The following MACROD2 variants were observed in gnomAD, a reference collection of about 807,000 sequenced individuals.
MACROD2 encodes the protein mono-ADP ribosylhydrolase 2, also known as ADP-ribose glycohydrolase MACROD2.
In MACROD2, 36 loss-of-function variants were observed where a neutral mutation model predicts 70.4. That is an observed-to-expected ratio of 0.51 (90% CI 0.39 to 0.68). MACROD2 has a LOEUF of 0.68. MACROD2 is among the 30% of genes least tolerant of loss of function. The pLI is 0.00. For synonymous variants in MACROD2, 172 were observed against 178.8 expected, an observed-to-expected ratio of 0.96 and a Z score of 0.30; for missense variants, 496 against 538.4, an observed-to-expected ratio of 0.92 and a Z score of 0.78.
At chr20:15,965,060 T>G (rs1321589246) in intron 12 of MACROD2, among the ~76,000 whole-genome samples, 1 of 152,204 alleles carries the variant, frequency 6.6e-6, no homozygotes, top group Non-Finnish European at 1.5e-5. Flanking sequence ...AAGATGCACA[T>G]TCTTTCATAT....
At chr20:14,410,827 G>A (rs1227411205) in intron 3 of MACROD2, among the ~76,000 whole-genome samples, 6 of 152,036 alleles carry the variant, frequency 3.9e-5, no homozygotes, top group African/African-American at 1.4e-4. Flanking sequence ...AATGCTCTCT[G>A]GCATCAGCAT....
At chr20:15,918,393 C>CCTA (rs2065351718) in intron 10 of MACROD2, among the ~76,000 whole-genome samples, 1 of 152,130 alleles carries the variant, frequency 6.6e-6, no homozygotes, top group South Asian at 2.1e-4. Flanking sequence ...AAGTATTTAT[C>CCTA]CTAACATTTT....
intron 4 of MACROD2, among the ~76,000 whole-genome samples, chr20:14,599,734 C>T (rs1455710306): frequency 1.3e-5 from 2 of 152,080 alleles, no homozygotes; most frequent in Admixed American, 1.3e-4. Context: ...TTTAATAAAG[C>T]CCTGAATAGG....
intron 3 of MACROD2, among the ~76,000 whole-genome samples, chr20:14,163,266 A>G (rs974711752): frequency 6.6e-6 from 1 of 152,160 alleles, no homozygotes; most frequent in Non-Finnish European, 1.5e-5. Flanking sequence ...TCTTGTGAAT[A>G]TATCATCCTA....
intron 4 of MACROD2, among the ~76,000 whole-genome samples, chr20:14,674,266 A>G (rs1242909513): frequency 6.6e-6 from 1 of 152,182 alleles, no homozygotes; most frequent in African/African-American, 2.4e-5. Flanking sequence ...CTTTAAGTTC[A>G]GGCAAACATG....
Position 14,263,586 on chromosome 20 carries a change from AAG to A in MACROD2, c.271+177860_271+177861del, listed in dbSNP as rs368158939. ...TGCCATCTTAAGCAGAGCCAGGAAA[AAG>A]AACAAAAGGCTCTGAGCTCAAACAG... On this transcript the variant is annotated intron_variant, in intron 3 of 17. Coordinates refer to ENST00000684519, the MANE Select transcript of MACROD2 (RefSeq NM_001351661.2). Among the ~76,000 whole-genome samples, 326 of 152,264 alleles carry A rather than the reference AAG, an allele frequency of 2.1e-3. 3 individuals are homozygous for A. Among genetic ancestry groups the A allele is most frequent in the African/African-American group, 7.5e-3 (312 of 41,566 alleles).
At chr20:14,492,891 C>CA (rs2084810329) in intron 3 of MACROD2, among the ~76,000 whole-genome samples, 1 of 151,820 alleles carries the variant, frequency 6.6e-6, no homozygotes, top group Non-Finnish European at 1.5e-5. Context: ...TTTTTTAGCT[C>CA]CTATAAATGT....
intron 3 of MACROD2, among the ~76,000 whole-genome samples, chr20:14,427,658 A>T (rs1316469133): frequency 6.6e-6 from 1 of 151,994 alleles, no homozygotes; most frequent in Admixed American, 6.6e-5. Context: ...TTGGTCACAG[A>T]CTTTTGGAAA....
chr20:15,237,541 A>G (rs2077024584), intron 6 of MACROD2, among the ~76,000 whole-genome samples: 1 of 151,994 alleles, frequency 6.6e-6, no homozygotes, highest in African/African-American at 2.4e-5. Flanking sequence ...TGTTGTTTTC[A>G]TTTGGCTTCC....
At chr20:15,692,606 G>A (rs1333437276) in intron 8 of MACROD2, among the ~76,000 whole-genome samples, 3 of 152,156 alleles carry the variant, frequency 2.0e-5, no homozygotes, top group Admixed American at 6.5e-5. Context: ...GAAGCGCAGA[G>A]AAAAGAAGGT....
chr20:14,373,547 A>G (rs1343070912), intron 3 of MACROD2, among the ~76,000 whole-genome samples: 6 of 152,176 alleles, frequency 3.9e-5, no homozygotes, highest in South Asian at 2.1e-4. Flanking sequence ...TCTAGCCCCT[A>G]TACACATAAA....
At chr20:15,599,458 T>G (rs1029294738) in intron 8 of MACROD2, among the ~76,000 whole-genome samples, 1 of 152,044 alleles carries the variant, frequency 6.6e-6, no homozygotes, top group Non-Finnish European at 1.5e-5. Context: ...ACCACTGCCC[T>G]TTACACGAAA....
chr20:15,308,520 G>C (rs983570189), intron 6 of MACROD2, among the ~76,000 whole-genome samples: 18 of 152,076 alleles, frequency 1.2e-4, no homozygotes, highest in Admixed American at 9.8e-4. Context: ...AAATAGATTT[G>C]ATTAGAAATT....
At chr20:15,981,347 C>T (rs1181322721) in intron 13 of MACROD2, among the ~76,000 whole-genome samples, 1 of 152,148 alleles carries the variant, frequency 6.6e-6, no homozygotes, top group Non-Finnish European at 1.5e-5. Context: ...TTGCTTTAGA[C>T]AACTAAGTCA....
At chr20:14,754,462 A>G (rs2071914225) in intron 5 of MACROD2, among the ~76,000 whole-genome samples, 1 of 152,098 alleles carries the variant, frequency 6.6e-6, no homozygotes, top group African/African-American at 2.4e-5. Flanking sequence ...ATCTGTGTCA[A>G]TTAGTGGTTG....
intron 8 of MACROD2, among the ~76,000 whole-genome samples, chr20:15,715,973 A>G (rs2050702263): frequency 6.6e-6 from 1 of 152,074 alleles, no homozygotes; most frequent in African/African-American, 2.4e-5. Flanking sequence ...TAAAAGTACT[A>G]CCCCTTCACA....
At chr20:14,357,474 A>G (rs1181211515) in intron 3 of MACROD2, among the ~76,000 whole-genome samples, 5 of 152,242 alleles carry the variant, frequency 3.3e-5, no homozygotes, top group Non-Finnish European at 5.9e-5. Context: ...TAAGATTTCT[A>G]TGTAGAATTT....
At chr20:15,614,834 A>G (rs932075140) in intron 8 of MACROD2, among the ~76,000 whole-genome samples, 1 of 152,178 alleles carries the variant, frequency 6.6e-6, no homozygotes, top group Admixed American at 6.5e-5. Context: ...TCTCTGCCAA[A>G]CTAATATATT....
At chr20:14,331,610 C>G (rs1430566697) in intron 3 of MACROD2, among the ~76,000 whole-genome samples, 2 of 152,082 alleles carry the variant, frequency 1.3e-5, no homozygotes, top group Admixed American at 1.3e-4. Context: ...CTCTCATATG[C>G]CCCTGCTCCC....
Sources: gnomAD v4.1 joint callset for allele counts (sites outside exome capture counted in the v4.1 genomes callset) on GRCh38, gnomAD v4.1.1 for gene constraint, MANE v1.5 for transcripts, NCBI Gene and HGNC (gene_info 2026-07-23, HGNC 2026-07-21) for gene names.